Variants in SLC4A5 observed in about 807,000 individuals in gnomAD.
The protein encoded by SLC4A5 is electrogenic sodium bicarbonate cotransporter 4.
In SLC4A5, 96 loss-of-function variants were observed where a neutral mutation model predicts 120.4. The observed-to-expected ratio is 0.80, with a 90% CI of 0.68 to 0.94. The LOEUF is 0.94. SLC4A5 is among the 40% of genes least tolerant of loss of function. The pLI is 0.00. For synonymous variants in SLC4A5, 550 were observed against 571.1 expected, an observed-to-expected ratio of 0.96 and a Z score of 0.53; for missense variants, 1,259 against 1,459.5, an observed-to-expected ratio of 0.86 and a Z score of 2.24.
chr2:74,336,400 T>C (rs1227419523), intron 3 of SLC4A5, among the ~76,000 whole-genome samples: 1 of 151,892 alleles, frequency 6.6e-6, no homozygotes, highest in Non-Finnish European at 1.5e-5. Context: ...GAAAGACAGG[T>C]TGGGGAAGTG....
chr2:74,318,169 G>A (rs1673012428), intron 5 of SLC4A5, among the ~76,000 whole-genome samples: 1 of 151,858 alleles, frequency 6.6e-6, no homozygotes, highest in Non-Finnish European at 1.5e-5. Context: ...ATGTGACAAA[G>A]AGCTAATATC....
intron 16 of SLC4A5, among the ~76,000 whole-genome samples, chr2:74,251,525 T>C (rs1450857884): frequency 6.6e-6 from 1 of 152,202 alleles, no homozygotes; most frequent in Non-Finnish European, 1.5e-5. Context: ...GGTACTGTTA[T>C]TGAGTTGTGT....
rs557912161 is a variant in SLC4A5 at position 74,237,747 on chromosome 2, G to A, written c.2319+1588C>T. The stretch of plus-strand genomic sequence containing the variant: ...CACGGCACAGTTACTGCTTATGTAT[G>A]CAAGTGCTGTTTTCATAAATCTTTT... On this transcript the variant is annotated intron_variant, in intron 21 of 30. Transcript: ENST00000394019. 1.7e-3 allele frequency among the ~76,000 whole-genome samples: 259 copies of A among 152,218 alleles called. 2 individuals carry two copies. Among genetic ancestry groups the A allele is most frequent in the Non-Finnish European group, 4.4e-4 (30 of 68,018 alleles).
chr2:74,298,472 A>C (rs925757329), intron 7 of SLC4A5, among the ~76,000 whole-genome samples: 1 of 152,248 alleles, frequency 6.6e-6, no homozygotes, highest in Non-Finnish European at 1.5e-5. Context: ...AAAAGTGCTA[A>C]AGGAAAACAG....
In SLC4A5 at chr2:74,255,210, A is replaced by G. The variant is rs974574130; in HGVS notation, c.1026-504T>C. ...TCCCCTCCCATGAGGCTCCCCCTTG[A>G]GCATCCTCACCTTTGTCTTGCTGCC... On this transcript the variant is annotated intron_variant, in intron 13 of 30. Transcript: ENST00000394019. The surrounding 1 kb of genome is among the most constrained non-coding windows in gnomAD (Gnocchi z 4.0). Among the ~76,000 whole-genome samples the G allele has an allele frequency of 9.9e-5, 15 of 152,106 alleles. No individual in the cohort carries two copies. The highest frequency in any genetic ancestry group is 3.4e-4 in the African/African-American group (14 of 41,414).
chr2:74,243,975 T>G (rs552882707), intron 19 of SLC4A5, among the ~76,000 whole-genome samples: 4 of 152,260 alleles, frequency 2.6e-5, no homozygotes, highest in South Asian at 4.1e-4. Context: ...CAAACAAGCT[T>G]TTATGATGAA....
Position 74,230,719 on chromosome 2 carries a change from T to C in SLC4A5, c.2847+517A>G, listed in dbSNP as rs567300917. ...GGGTGGGAGAGAGGATTGGTGATGA[T>C]AAAAAACTGCAGTATCACAGAAAAC... On this transcript the variant is annotated intron_variant, in intron 25 of 30. Transcript: ENST00000394019. 1.2e-4 allele frequency among the ~76,000 whole-genome samples: 18 copies of C among 152,298 alleles called. No individual in the cohort carries two copies. In the East Asian group the frequency reaches 1.7e-3, roughly 15 times the overall value.
Position 74,290,827 on chromosome 2 carries a change from C to T in SLC4A5, c.272-4925G>A, listed in dbSNP as rs556854578. On this transcript the variant is annotated intron_variant, in intron 7 of 30. Transcript: ENST00000394019. The stretch of plus-strand genomic sequence containing the variant: ...ACTGGCAAAACTGCCCCTTTACCCC[C>T]TTCCCCATGAGTGCTTCCTATGTGC... 3.1e-3 allele frequency: 2,905 copies of T among 923,568 alleles called. 6 individuals are homozygous for T. The highest frequency in any genetic ancestry group is 3.5e-3 in the Non-Finnish European group (2,731 of 773,814). The allele number at this position is 923,568 out of a possible 1,614,324, so 57.2% of individuals were successfully genotyped here.
chr2:74,302,631 G>A (rs903752852), intron 7 of SLC4A5, among the ~76,000 whole-genome samples: 1 of 152,096 alleles, frequency 6.6e-6, no homozygotes, highest in African/African-American at 2.4e-5. Context: ...ATATATATAT[G>A]CCAAAGCGTT....
chr2:74,308,219 T>G (rs1672706910), intron 6 of SLC4A5, among the ~76,000 whole-genome samples: 1 of 152,238 alleles, frequency 6.6e-6, no homozygotes, highest in Non-Finnish European at 1.5e-5. Context: ...GAACATAATT[T>G]TCAACTCAGT....
intron 21 of SLC4A5, among the ~76,000 whole-genome samples, chr2:74,238,093 C>A (rs2103937518): frequency 6.6e-6 from 1 of 152,124 alleles, no homozygotes; most frequent in South Asian, 2.1e-4. Context: ...CAGAGTGAGA[C>A]TCTGTCTCAA....
At chr2:74,261,965 A>G (rs1183628391) in intron 11 of SLC4A5, among the ~76,000 whole-genome samples, 172 bp downstream of exon 11, 1 of 152,206 alleles carries the variant, frequency 6.6e-6, no homozygotes, top group Non-Finnish European at 1.5e-5. Flanking sequence ...GTAGTAAATG[A>G]GGCCCTGAGA....
At chr2:74,219,130 CCTG>C (rs963631719) in intron 30 of SLC4A5, among the ~76,000 whole-genome samples, 9 of 150,722 alleles carry the variant, frequency 6.0e-5, no homozygotes, top group Admixed American at 2.6e-4. Context: ...TGTAGTCCTG[CCTG>C]CTTAGTTTGC....
chr2:74,269,210 AT>A lies in SLC4A5; in HGVS notation c.402-3947del, dbSNP rs879256091. ...GAATAGACCAAAGGATAAGTTCAAA[AT>A]TTTTTTTTTTTTGAGACGGAGTTTC... is the stretch of plus-strand genomic sequence containing the variant. On this transcript the variant is annotated intron_variant, in intron 8 of 30. Transcript: ENST00000394019. Among the ~76,000 whole-genome samples, 815 of 147,330 alleles carry A rather than the reference AT, an allele frequency of 5.5e-3. 11 individuals carry two copies. The highest frequency in any genetic ancestry group is 0.016 in the African/African-American group (666 of 40,506).
Position 74,254,600 on chromosome 2 carries a change from G to T in SLC4A5, c.1113+19C>A, listed in dbSNP as rs752049008. 6.2e-7 allele frequency: 1 copy of T among 1,603,298 alleles called. No individual in the cohort carries two copies. Among genetic ancestry groups the T allele is most frequent in the Non-Finnish European group, 8.5e-7 (1 of 1,170,266 alleles). On this transcript the variant is annotated intron_variant, in intron 14 of 30. Transcript: ENST00000394019. ...GGAGCTGTAAAATTCAGGAGTACAA[G>T]CTTCTGGTTACCACTTACATCATCT...
intron 25 of SLC4A5, among the ~76,000 whole-genome samples, chr2:74,228,901 G>A (rs1200627330): frequency 1.3e-5 from 2 of 151,984 alleles, no homozygotes; most frequent in Non-Finnish European, 2.9e-5. Context: ...GCCTTTCAAA[G>A]CATTCTTCCG....
chr2:74,218,817 A>C (rs545684368), intron 30 of SLC4A5, 25 bp from the exon 31 acceptor site: 1 of 152,802 alleles, frequency 6.5e-6, no homozygotes, highest in East Asian at 1.9e-4. Context: ...GGAAAGAAGG[A>C]TTACGTAGTT....
At chr2:74,285,674 C>T (rs1671958974) in intron 8 of SLC4A5, 99 bp downstream of exon 8, 10 of 1,434,144 alleles carry the variant, frequency 7.0e-6, no homozygotes, top group Non-Finnish European at 9.4e-6. Context: ...GACCAGGAAG[C>T]TCTCAAGGTA....
intron 7 of SLC4A5, among the ~76,000 whole-genome samples, chr2:74,286,459 C>G (rs973946776): frequency 2.0e-5 from 3 of 152,204 alleles, no homozygotes; most frequent in Non-Finnish European, 4.4e-5. Context: ...CTCCCAGGCA[C>G]CTCAAAACTC....
Sources: gnomAD v4.1 joint callset for allele counts (sites outside exome capture counted in the v4.1 genomes callset) on GRCh38, gnomAD v4.1.1 for gene constraint, Gnocchi (gnomAD v3.1) non-coding constraint, MANE v1.5 for transcripts, NCBI Gene and HGNC (gene_info 2026-07-23, HGNC 2026-07-21) for gene names.